FRS2: variants seen among roughly 807,000 people sequenced by gnomAD.
The protein encoded by FRS2 is fibroblast growth factor receptor substrate 2.
Under a neutral mutation model 43.9 loss-of-function variants are expected in FRS2, and 8 were observed. The ratio of observed to expected loss-of-function variants is 0.18; its 90% CI spans 0.11 to 0.33. The LOEUF (loss-of-function observed/expected upper bound fraction) is 0.33. Ranked by LOEUF, FRS2 falls within the 10% of genes least tolerant of loss-of-function variation. The pLI, the probability that FRS2 is intolerant of heterozygous loss-of-function variation, is 1.00. For synonymous variants in FRS2, 219 were observed against 220.3 expected, an observed-to-expected ratio of 0.99 and a Z score of 0.05; for missense variants, 534 against 627.6, an observed-to-expected ratio of 0.85 and a Z score of 1.59.
intron 3 of FRS2, among the ~76,000 whole-genome samples, chr12:69,557,634 G>GCGCA (rs1555192598): frequency 4.1e-5 from 6 of 147,570 alleles, no homozygotes; most frequent in Middle Eastern, 3.5e-3. Flanking sequence ...GCGCGCGCGC[G>GCGCA]CGCAGGTGCA....
intron 1 of FRS2, among the ~76,000 whole-genome samples, chr12:69,513,033 C>A (rs1326231735): frequency 6.6e-6 from 1 of 152,058 alleles, no homozygotes; most frequent in Non-Finnish European, 1.5e-5. Context: ...GTAAGTTGCT[C>A]AACTCTCAAG....
intron 1 of FRS2, among the ~76,000 whole-genome samples, chr12:69,517,036 C>T (rs889559924): frequency 3.9e-5 from 6 of 152,102 alleles, no homozygotes; most frequent in South Asian, 2.1e-4. Context: ...CATCTGACCT[C>T]GTGTCATGGG....
At chr12:69,475,970 T>C (rs1414309688) in intron 1 of FRS2, among the ~76,000 whole-genome samples, 3 of 152,194 alleles carry the variant, frequency 2.0e-5, no homozygotes, top group Non-Finnish European at 4.4e-5. Context: ...TCGGTAGTTT[T>C]TGTTTTTGTT....
At chr12:69,525,477 C>T (rs1039647397) in intron 1 of FRS2, among the ~76,000 whole-genome samples, 2 of 152,170 alleles carry the variant, frequency 1.3e-5, no homozygotes, top group Non-Finnish European at 2.9e-5. Flanking sequence ...TAACCCCCAA[C>T]ATTGATTTCA....
chr12:69,540,202 G>A (rs1017077386), intron 3 of FRS2, among the ~76,000 whole-genome samples: 1 of 151,612 alleles, frequency 6.6e-6, no homozygotes, highest in East Asian at 1.9e-4. Flanking sequence ...GCAGTGAGCC[G>A]AGATGGCTCC....
rs539317571 is a variant in FRS2, at chr12:69,486,489, G to A, written c.-261+15959G>A. On this transcript the variant is annotated intron_variant, in intron 1 of 8. Coordinates refer to ENST00000549921, the MANE Select transcript of FRS2 (RefSeq NM_001278356.2). ...CCTCATCTCTTTCCTGCTCCTCAGG[G>A]TTCCCTATTTCCTGAGACCCTAAAT... is the stretch of plus-strand genomic sequence containing the variant. 7.9e-5 allele frequency among the ~76,000 whole-genome samples: 12 copies of A among 152,226 alleles called. No individual in the cohort carries two copies. The South Asian group carries it at 2.5e-3, about 32-fold the overall frequency.
In FRS2 at chr12:69,570,468, C is replaced by T. The variant is rs1233954245; in HGVS notation, c.204C>T (p.Asp68=). Reference sequence around the variant, plus strand: ...TCTGCCTGCGACGCTATGGCTATGACTCGAATCTCTTTTCTTTTGAAAGTG... The same window carrying T: ...TCTGCCTGCGACGCTATGGCTATGATTCGAATCTCTTTTCTTTTGAAAGTG... ...HYLCLRRYGY[D]SNLFSFESGR... Residue 68 remains aspartate, a synonymous_variant, in exon 6 of 9, where the codon GAC becomes GAT. Transcript: ENST00000549921. 1.9e-6 allele frequency: 3 copies of T among 1,612,964 alleles called. No homozygotes were observed. The highest frequency in any genetic ancestry group is 1.7e-5 in the Admixed American group (1 of 59,998).
At chr12:69,554,375 G>A (rs1465183768) in intron 3 of FRS2, among the ~76,000 whole-genome samples, 1 of 151,998 alleles carries the variant, frequency 6.6e-6, no homozygotes, top group African/African-American at 2.4e-5. Flanking sequence ...TGGAGGTAGG[G>A]GAGAGAAAAA....
At chr12:69,503,039 C>T (rs1873602608) in intron 1 of FRS2, among the ~76,000 whole-genome samples, 1 of 152,192 alleles carries the variant, frequency 6.6e-6, no homozygotes, top group Non-Finnish European at 1.5e-5. Flanking sequence ...CAGGATATCA[C>T]AAGGTTGAAA....
chr12:69,567,765 T>A (rs1880421623), intron 4 of FRS2, among the ~76,000 whole-genome samples: 1 of 152,268 alleles, frequency 6.6e-6, no homozygotes, highest in South Asian at 2.1e-4. Context: ...TGGAAGGATG[T>A]GAGAGACCAG....
At chr12:69,520,200 T>C (rs1875489705) in intron 1 of FRS2, among the ~76,000 whole-genome samples, 1 of 149,924 alleles carries the variant, frequency 6.7e-6, no homozygotes, top group Non-Finnish European at 1.5e-5. Context: ...GCCACGTTTA[T>C]GTGTTCTTTT....
At chr12:69,499,205 T>C (rs1214342300) in intron 1 of FRS2, among the ~76,000 whole-genome samples, 7 of 152,154 alleles carry the variant, frequency 4.6e-5, no homozygotes, top group African/African-American at 1.7e-4. Context: ...GTGAAAACTC[T>C]TCAGGAGTAT....
chr12:69,488,294 G>GCCACCCCACCCTTTAGCAA (rs1872140478), intron 1 of FRS2, among the ~76,000 whole-genome samples: 1 of 152,134 alleles, frequency 6.6e-6, no homozygotes, highest in Non-Finnish European at 1.5e-5. Flanking sequence ...AATTGCCGCA[G>GCCACCCCACCCTTTAGCAA]CCACCCCACC....
At chr12:69,522,382 G>C (rs1278132161) in intron 1 of FRS2, among the ~76,000 whole-genome samples, 1 of 152,050 alleles carries the variant, frequency 6.6e-6, no homozygotes, top group Non-Finnish European at 1.5e-5. Context: ...TTTCTAGTTT[G>C]TGTGCATAGA....
At chr12:69,530,538 A>G (rs1468443574) in intron 1 of FRS2, among the ~76,000 whole-genome samples, 1 of 152,178 alleles carries the variant, frequency 6.6e-6, no homozygotes, top group Non-Finnish European at 1.5e-5. Context: ...CAGGAGTTCA[A>G]GACTAGCCTG....
At chr12:69,570,239 G>A (rs1333155793) in intron 5 of FRS2, 92 bp from the exon 6 acceptor site, 1 of 923,108 alleles carries the variant, frequency 1.1e-6, no homozygotes, top group Non-Finnish European at 1.8e-6. Flanking sequence ...GTTGATGAAT[G>A]AACTAACAAA....
chr12:69,534,224 C>T (rs1344790575), intron 3 of FRS2, among the ~76,000 whole-genome samples: 1 of 152,034 alleles, frequency 6.6e-6, no homozygotes, highest in Non-Finnish European at 1.5e-5. Flanking sequence ...TGAGGTTGAA[C>T]GTAATACACA....
chr12:69,553,033 TCAGAA>T (rs1565769341), intron 3 of FRS2, among the ~76,000 whole-genome samples: 1 of 151,966 alleles, frequency 6.6e-6, no homozygotes, highest in Non-Finnish European at 1.5e-5. Context: ...AACACAAAAC[TCAGAA>T]CAGGCCACTT....
At chr12:69,562,346 A>G (rs1308358475) in intron 4 of FRS2, 72 bp downstream of exon 4, 3 of 396,650 alleles carry the variant, frequency 7.6e-6, no homozygotes, top group Non-Finnish European at 8.9e-6. Context: ...TTTATTTTAA[A>G]TACAGATGAA....
Sources: allele counts gnomAD v4.1 joint callset (sites outside exome capture counted in the v4.1 genomes callset), GRCh38; gene constraint gnomAD v4.1.1; transcripts MANE v1.5; gene names NCBI Gene and HGNC (gene_info 2026-07-23, HGNC 2026-07-21).